ATRNL1: variants seen among roughly 807,000 people sequenced by gnomAD.
ATRNL1 encodes the protein attractin like 1.
A neutral mutation model predicts 182.7 loss-of-function variants in ATRNL1; 95 were observed. That is an observed-to-expected ratio of 0.52 (90% CI 0.44 to 0.62). The LOEUF is 0.62. ATRNL1 is among the 20% of genes least tolerant of loss of function. ATRNL1 has a pLI of 0.00. For synonymous variants in ATRNL1, 576 were observed against 568.3 expected, an observed-to-expected ratio of 1.01 and a Z score of -0.19; for missense variants, 1,471 against 1,679.5, an observed-to-expected ratio of 0.88 and a Z score of 2.17.
At chr10:115,210,828 C>A (rs1848992166) in intron 8 of ATRNL1, among the ~76,000 whole-genome samples, 1 of 151,936 alleles carries the variant, frequency 6.6e-6, no homozygotes, top group African/African-American at 2.4e-5. Flanking sequence ...TTATCACAGT[C>A]TACTGGCACC....
intron 5 of ATRNL1, among the ~76,000 whole-genome samples, chr10:115,152,849 G>A (rs1554881036): frequency 6.6e-6 from 1 of 152,038 alleles, no homozygotes; most frequent in East Asian, 1.9e-4. Context: ...TTGGCTGTGG[G>A]TTTGTCATAA....
rs576733648 is a variant in ATRNL1 at position 115,520,303 on chromosome 10, T to A, written c.3716+979T>A. Among the ~76,000 whole-genome samples the A allele has an allele frequency of 2.0e-5, 3 of 152,330 alleles. No homozygotes were observed. In the South Asian group the frequency reaches 6.2e-4, roughly 32 times the overall value. On this transcript the variant is annotated intron_variant, in intron 25 of 28. Transcript: ENST00000355044. Reference sequence around the variant, plus strand: ...AACCATCATCTTTTTGATTGTCTTGTCCAGATATCCATAAAGTATTTGAAT... The same window carrying A: ...AACCATCATCTTTTTGATTGTCTTGACCAGATATCCATAAAGTATTTGAAT...
At chr10:115,775,096 A>C (rs1187729796) in intron 27 of ATRNL1, among the ~76,000 whole-genome samples, 10 of 152,164 alleles carry the variant, frequency 6.6e-5, no homozygotes, top group Non-Finnish European at 1.0e-4. Flanking sequence ...CCATTAAAAA[A>C]CTTATTTTAA....
At chr10:115,171,327 T>C (rs1554885549) in intron 8 of ATRNL1, 35 bp downstream of exon 8, 3 of 1,496,976 alleles carry the variant, frequency 2.0e-6, no homozygotes, top group Admixed American at 3.7e-5. Context: ...TCTTTATTGA[T>C]TGGGAATGTT....
At chr10:115,426,008 C>T (rs978412067) in intron 20 of ATRNL1, among the ~76,000 whole-genome samples, 6 of 151,980 alleles carry the variant, frequency 3.9e-5, no homozygotes, top group African/African-American at 1.4e-4. Context: ...ATATGCCTAT[C>T]ATGTATGTTT....
At chr10:115,298,507 G>A (rs968486800) in intron 15 of ATRNL1, among the ~76,000 whole-genome samples, 30 of 151,974 alleles carry the variant, frequency 2.0e-4, no homozygotes, top group African/African-American at 7.2e-4. Flanking sequence ...ATAGTTCAGG[G>A]ATATAGGCAG....
intron 28 of ATRNL1, among the ~76,000 whole-genome samples, chr10:115,873,614 G>C (rs1207293165): frequency 6.6e-6 from 1 of 152,174 alleles, no homozygotes; most frequent in African/African-American, 2.4e-5. Context: ...AGAAAGGGAG[G>C]AGTGAGGACC....
At chr10:115,723,338 T>C (rs1168564005) in intron 26 of ATRNL1, among the ~76,000 whole-genome samples, 1 of 152,152 alleles carries the variant, frequency 6.6e-6, no homozygotes, top group African/African-American at 2.4e-5. Context: ...TGTGTATTTT[T>C]AAGGAGTATT....
chr10:115,269,959 A>G (rs1851770774), intron 13 of ATRNL1, among the ~76,000 whole-genome samples: 1 of 151,986 alleles, frequency 6.6e-6, no homozygotes, highest in Non-Finnish European at 1.5e-5. Flanking sequence ...GTTTTCATAC[A>G]TACTCTGTTG....
At chr10:115,436,495 T>C (rs1846411677) in intron 21 of ATRNL1, among the ~76,000 whole-genome samples, 2 of 152,128 alleles carry the variant, frequency 1.3e-5, no homozygotes, top group African/African-American at 4.8e-5. Flanking sequence ...ATCTAGCAAA[T>C]GCTGAACCTA....
intron 8 of ATRNL1, among the ~76,000 whole-genome samples, chr10:115,187,389 G>A (rs550861995): frequency 1.3e-5 from 2 of 152,192 alleles, no homozygotes; most frequent in African/African-American, 4.8e-5. Context: ...ATGGGAGACA[G>A]AGAAAGGCTG....
intron 26 of ATRNL1, among the ~76,000 whole-genome samples, chr10:115,713,667 G>T (rs1174425905): frequency 7.6e-6 from 1 of 132,382 alleles, no homozygotes. Flanking sequence ...ACTCATTCAG[G>T]TTCTGTTTTC....
intron 24 of ATRNL1, among the ~76,000 whole-genome samples, chr10:115,504,010 CTT>C (rs1214382796): frequency 1.3e-5 from 2 of 151,690 alleles, no homozygotes; most frequent in Non-Finnish European, 2.9e-5. Flanking sequence ...AAAGGACACA[CTT>C]TTTTTCAAGA....
At chr10:115,186,766 A>G (rs1480582869) in intron 8 of ATRNL1, among the ~76,000 whole-genome samples, 1 of 152,102 alleles carries the variant, frequency 6.6e-6, no homozygotes, top group Non-Finnish European at 1.5e-5. Flanking sequence ...AAAATCCTCT[A>G]TTTGACAGCA....
At chr10:115,360,539 ATT>A (rs1275666705) in intron 19 of ATRNL1, among the ~76,000 whole-genome samples, 1 of 151,536 alleles carries the variant, frequency 6.6e-6, no homozygotes, top group Non-Finnish European at 1.5e-5. Flanking sequence ...ATTGATGCAT[ATT>A]GTTATTAAAT....
At chr10:115,330,892 T>C (rs1192690760) in intron 18 of ATRNL1, among the ~76,000 whole-genome samples, 1 of 152,038 alleles carries the variant, frequency 6.6e-6, no homozygotes, top group East Asian at 1.9e-4. Flanking sequence ...TTTTTATTCT[T>C]TTTTGAACAC....
chr10:115,624,505 T>A lies in ATRNL1; in HGVS notation c.3795+74969T>A, dbSNP rs142112283. ...GCAATATCATCTTCGATTATAAAAT[T>A]TAACAATGAGATATAAAAGCAATGT... On this transcript the variant is annotated intron_variant, in intron 26 of 28. Coordinates refer to ENST00000355044, the MANE Select transcript of ATRNL1 (RefSeq NM_207303.4). Among the ~76,000 whole-genome samples the A allele has an allele frequency of 6.9e-3, 1,058 of 152,294 alleles. 13 individuals carry two copies. The highest frequency in any genetic ancestry group is 0.01 in the South Asian group (50 of 4,830).
At chr10:115,858,037 T>C (rs1951226588) in intron 28 of ATRNL1, among the ~76,000 whole-genome samples, 1 of 152,172 alleles carries the variant, frequency 6.6e-6, no homozygotes, top group African/African-American at 2.4e-5. Context: ...TGTGTTGCAA[T>C]ACCCAAGCTG....
intron 26 of ATRNL1, among the ~76,000 whole-genome samples, chr10:115,587,367 G>C (rs1198535138): frequency 5.9e-5 from 9 of 151,756 alleles, no homozygotes; most frequent in Non-Finnish European, 2.9e-5. Context: ...CCTCGCTGCC[G>C]CCTTGCAGTT....
Sources: gnomAD v4.1 joint callset for allele counts (sites outside exome capture counted in the v4.1 genomes callset) on GRCh38, gnomAD v4.1.1 for gene constraint, MANE v1.5 for transcripts, NCBI Gene and HGNC (gene_info 2026-07-23, HGNC 2026-07-21) for gene names.